PSMG2: variants seen among roughly 807,000 people sequenced by gnomAD.
PSMG2 encodes the protein CD40 ligand-activated specific transcript 3.
PSMG2 carries 21 observed loss-of-function variants against 31.5 expected under a neutral mutation model. The ratio of observed to expected loss-of-function variants is 0.67; its 90% CI spans 0.47 to 0.96. The LOEUF is 0.96. PSMG2 is among the 40% of genes least tolerant of loss of function. PSMG2 has a pLI of 0.00. For missense variants in PSMG2, 318 were observed against 321.2 expected (o/e 0.99, Z 0.08); for synonymous variants, 120 against 110.4 (o/e 1.09, Z -0.54).
At chr18:12,699,398 A>C (rs963823476), upstream of PSMG2, among the ~76,000 whole-genome samples, 3 of 152,202 alleles carry the variant, frequency 2.0e-5, no homozygotes, top group Admixed American at 6.6e-5. Context: ...AAAATATGAT[A>C]TTCTTTTCTG....
At chr18:12,661,265 G>T in intron 1 of PSMG2, 3 of 502,724 alleles carry the variant, frequency 6.0e-6, no homozygotes, top group African/African-American at 4.2e-5. Context: ...CCGAGATCAC[G>T]CCATTGCACC....
rs765652085 is a variant in PSMG2, at chr18:12,683,186, C to CAAAAAAAAAAAAAAAAAA, written c.-36-23363_-36-23346dup. 1.7e-3 allele frequency among the ~76,000 whole-genome samples: 110 copies of CAAAAAAAAAAAAAAAAAA among 63,652 alleles called. 6 individuals are homozygous for CAAAAAAAAAAAAAAAAAA. The highest frequency in any genetic ancestry group is 5.9e-3 in the African/African-American group (100 of 16,984). The allele number at this position is 63,652 out of a possible 152,430, so 41.8% of individuals were successfully genotyped here. ...GAAACCCCATCTCTACTAAAAATAC[C>CAAAAAAAAAAAAAAAAAA]AAAAAAAAAAAAAAAAAAGCCAGGC... On this transcript the variant is annotated intron_variant, in intron 1 of 6. Transcript: ENST00000585331.
At chr18:12,673,214 T>A in intron 1 of PSMG2, 5 of 1,351,194 alleles carry the variant, frequency 3.7e-6, no homozygotes, top group East Asian at 2.9e-5. Context: ...TGATTTTTTT[T>A]AAACATTACC....
At chr18:12,718,722 G>A (rs897750300) in intron 4 of PSMG2, 87 bp downstream of exon 4, 18 of 960,124 alleles carry the variant, frequency 1.9e-5, no homozygotes, top group African/African-American at 1.8e-4. Context: ...TAAAAGCCAC[G>A]TAGATCCTTA....
chr18:12,708,867 G>A (rs1471523987), intron 2 of PSMG2, among the ~76,000 whole-genome samples: 18 of 148,224 alleles, frequency 1.2e-4, no homozygotes, highest in African/African-American at 2.5e-5. Context: ...CACCACACCC[G>A]ACTACTTTTT....
chr18:12,707,963 G>C (rs1442992646), intron 2 of PSMG2, among the ~76,000 whole-genome samples: 1 of 152,126 alleles, frequency 6.6e-6, no homozygotes, highest in East Asian at 1.9e-4. Flanking sequence ...CTGCCTCAGA[G>C]GATAAAGGAC....
Position 12,725,578 on chromosome 18 carries a change from AC to A in PSMG2, c.*48del. On this transcript the variant is annotated 3_prime_UTR_variant, in exon 7 of 7. Transcript: ENST00000317615. ...TATACCCAAAACACTTACTACCAACACAGCTGTTAAACATTCTATACAAAAA... is the reference window on the plus strand; with the variant it reads ...TATACCCAAAACACTTACTACCAACAAGCTGTTAAACATTCTATACAAAAA... 1.4e-6 allele frequency: 2 copies of A among 1,396,246 alleles called. No homozygotes were observed. The highest frequency in any genetic ancestry group is 2.0e-6 in the Non-Finnish European group (2 of 998,226). 86.5% of individuals were successfully genotyped at this position (1,396,246 alleles called of 1,614,324 possible). A position where few individuals can be genotyped will look rare whatever the true frequency, so the allele number is the denominator to read the frequency against.
chr18:12,664,696 A>ATT (rs1277697796), intron 1 of PSMG2, among the ~76,000 whole-genome samples: 9 of 146,338 alleles, frequency 6.2e-5, no homozygotes, highest in African/African-American at 2.3e-4. Flanking sequence ...ATTTGTCCTG[A>ATT]TCTTTTTTTT....
intron 1 of PSMG2, 48 bp downstream of exon 1, chr18:12,703,212 G>T (rs745641813): frequency 6.4e-7 from 1 of 1,559,494 alleles, no homozygotes; most frequent in South Asian, 1.2e-5. Flanking sequence ...AGGCCCCTGC[G>T]GTGTCGCCAC....
At position 12,690,946 on chromosome 18, in the gene PSMG2, C is replaced by CG. The variant is rs907317825; in HGVS notation, c.-36-15604_-36-15603insG. Among the ~76,000 whole-genome samples, 73 of 151,552 alleles carry CG rather than the reference C, an allele frequency of 4.8e-4. 2 individuals carry two copies. Among genetic ancestry groups the CG allele is most frequent in the African/African-American group, 1.1e-3 (46 of 41,386 alleles). On this transcript the variant is annotated intron_variant, in intron 1 of 6. Transcript: ENST00000585331. Reference sequence around the variant, plus strand: ...AATATATATATGCCCAGAGCCCCCCCCCGTTCTGCACACAAGAGCTGGATT... The same window carrying CG: ...AATATATATATGCCCAGAGCCCCCCCGCCGTTCTGCACACAAGAGCTGGATT...
upstream of PSMG2, chr18:12,699,956 TTAAGGAAA>T: frequency 8.0e-7 from 1 of 1,246,800 alleles, no homozygotes; most frequent in East Asian, 2.6e-5. Context: ...CAATTATAGG[TTAAGGAAA>T]TGTCAATAAA....
chr18:12,669,032 C>CTTTTTTTTTTTTTTTTTTTTTTTTTTT (rs71174122), intron 1 of PSMG2, among the ~76,000 whole-genome samples: 1 of 41,960 alleles, frequency 2.4e-5, no homozygotes. Context: ...ACCCCCCGCA[C>CTTTTTTTTTTTTTTTTTTTTTTTTTTT]TTTTTTTTTT....
chr18:12,674,206 G>A (rs2039036435), intron 1 of PSMG2, among the ~76,000 whole-genome samples: 1 of 152,066 alleles, frequency 6.6e-6, no homozygotes, highest in South Asian at 2.1e-4. Context: ...GGAGGCTGAG[G>A]TGGGAAGACT....
At chr18:12,693,601 G>A (rs774706840) in intron 1 of PSMG2, among the ~76,000 whole-genome samples, 116 of 152,208 alleles carry the variant, frequency 7.6e-4, no homozygotes, top group Non-Finnish European at 1.3e-3. Context: ...TGGCCAACAT[G>A]GTGAAACCCT....
At chr18:12,705,055 A>G (rs1223943912) in intron 1 of PSMG2, among the ~76,000 whole-genome samples, 1 of 152,070 alleles carries the variant, frequency 6.6e-6, no homozygotes, top group Non-Finnish European at 1.5e-5. Context: ...GGTAGATTGA[A>G]TAATATTGAA....
At chr18:12,697,485 A>G (rs2039997301) in intron 1 of PSMG2, 1 of 962,062 alleles carries the variant, frequency 1.0e-6, no homozygotes, top group Middle Eastern at 2.8e-4. Flanking sequence ...CTTTTATTAA[A>G]CAGTAAATAA....
At chr18:12,714,025 C>CAGGT (rs2040355237) in intron 3 of PSMG2, among the ~76,000 whole-genome samples, 1 of 152,184 alleles carries the variant, frequency 6.6e-6, no homozygotes, top group Non-Finnish European at 1.5e-5. Context: ...GCTGGGATTA[C>CAGGT]AGGTGTAAGC....
intron 3 of PSMG2, among the ~76,000 whole-genome samples, chr18:12,717,033 C>G (rs1192995689): frequency 6.6e-6 from 1 of 150,414 alleles, no homozygotes; most frequent in Non-Finnish European, 1.5e-5. Context: ...CACTACAGCC[C>G]TGACCTCCGA....
intron 2 of PSMG2, 93 bp downstream of exon 2, chr18:12,706,814 G>A: frequency 7.6e-7 from 1 of 1,322,272 alleles, no homozygotes; most frequent in Non-Finnish European, 1.0e-6. Context: ...TGTAGCAAAT[G>A]TTTACTTAGT....
Sources: allele counts gnomAD v4.1 joint callset (sites outside exome capture counted in the v4.1 genomes callset), GRCh38; gene constraint gnomAD v4.1.1; transcripts MANE v1.5; gene names NCBI Gene and HGNC (gene_info 2026-07-23, HGNC 2026-07-21).